AGBL1: variants seen among roughly 807,000 people sequenced by gnomAD.
AGBL1 encodes the protein cytosolic carboxypeptidase 4.
AGBL1 carries 130 observed loss-of-function variants against 118.9 expected under a neutral mutation model. The ratio of observed to expected loss-of-function variants is 1.09; its 90% confidence interval spans 0.95 to 1.26. The LOEUF (loss-of-function observed/expected upper bound fraction) is 1.26. Among genes scored for constraint, AGBL1 ranks in the 50% most tolerant of loss-of-function variants. AGBL1 has a pLI of 0.00. For missense variants in AGBL1, 1,584 were observed against 1,298.1 expected (o/e 1.22, Z -3.38); for synonymous variants, 555 against 478.9 (o/e 1.16, Z -2.08).
intron 24 of AGBL1, among the ~76,000 whole-genome samples, chr15:86,993,813 T>C (rs889029277): frequency 6.6e-6 from 1 of 152,142 alleles, no homozygotes; most frequent in African/African-American, 2.4e-5. Flanking sequence ...ATGCTTTTTG[T>C]CATTTTATTA....
At chr15:86,140,620 G>A (rs1399697601) in intron 1 of AGBL1, among the ~76,000 whole-genome samples, 1 of 152,160 alleles carries the variant, frequency 6.6e-6, no homozygotes, top group African/African-American at 2.4e-5. Flanking sequence ...GCAATGTCAG[G>A]GCTGAGCCCA....
In AGBL1 at chr15:86,949,486, AG is replaced by A. The variant is rs1382679918; in HGVS notation, c.3222-38500del. ...TGAAAAAAATCAAAACTCCTAGAAT[AG>A]AGAGGATAACATAGATATTTCAGGC... On this transcript the variant is annotated intron_variant, in intron 23 of 24. Coordinates refer to the AGBL1 transcript ENST00000441037. 1.3e-4 allele frequency among the ~76,000 whole-genome samples: 20 copies of A among 152,278 alleles called. No homozygotes were observed. The East Asian group carries it at 3.3e-3, about 25-fold the overall frequency.
intron 18 of AGBL1, among the ~76,000 whole-genome samples, chr15:86,443,091 T>C (rs949339111): frequency 3.9e-5 from 6 of 152,172 alleles, no homozygotes; most frequent in African/African-American, 1.4e-4. Context: ...TTCTCTTCTG[T>C]TGTTGCCCTC....
chr15:86,509,309 A>G (rs1011898867), intron 18 of AGBL1, among the ~76,000 whole-genome samples: 2 of 152,270 alleles, frequency 1.3e-5, no homozygotes, highest in East Asian at 3.9e-4. Context: ...TTGGGTCTGC[A>G]GACATGGCTC....
intron 18 of AGBL1, among the ~76,000 whole-genome samples, chr15:86,514,129 C>CACAGAA (rs1227980467): frequency 3.4e-5 from 2 of 58,250 alleles, no homozygotes; most frequent in Non-Finnish European, 8.3e-5. Context: ...TATGAATACA[C>CACAGAA]ACACAAACAC....
rs573157630 is a variant in AGBL1 at position 86,493,267 on chromosome 15, C to A, written c.2556-29543C>A. On this transcript the variant is annotated intron_variant, in intron 18 of 22. Coordinates refer to ENST00000614907, the MANE Select transcript of AGBL1 (RefSeq NM_001386094.1). ...AGGTAAAGAGAGACAACACGGTGAT[C>A]ACGTGTTTTAGAAAGAGATGGATAT... is the stretch of plus-strand genomic sequence containing the variant. Among the ~76,000 whole-genome samples the A allele has an allele frequency of 3.3e-5, 5 of 152,092 alleles. No individual in the cohort carries two copies. The South Asian group carries it at 1.0e-3, about 32-fold the overall frequency.
chr15:86,583,163 A>T (rs77715943), intron 21 of AGBL1, among the ~76,000 whole-genome samples: 32,118 of 151,770 alleles, frequency 0.21, 3,496 homozygotes, highest in East Asian at 0.28. Context: ...AAAAAAAAAA[A>T]TTCAACTTTT....
At chr15:86,486,804 C>T (rs1052892787) in intron 18 of AGBL1, among the ~76,000 whole-genome samples, 4 of 152,026 alleles carry the variant, frequency 2.6e-5, no homozygotes, top group African/African-American at 9.7e-5. Flanking sequence ...ACTTGGGTCT[C>T]AGCTGTGCCC....
At chr15:86,354,180 G>A (rs914386198) in intron 17 of AGBL1, among the ~76,000 whole-genome samples, 1 of 152,182 alleles carries the variant, frequency 6.6e-6, no homozygotes, top group African/African-American at 2.4e-5. Flanking sequence ...CCCTGAGGGG[G>A]CATCTGCATA....
intron 22 of AGBL1, among the ~76,000 whole-genome samples, chr15:86,774,770 A>G (rs1168274925): frequency 1.3e-5 from 2 of 152,110 alleles, no homozygotes; most frequent in East Asian, 1.9e-4. Context: ...AGGAGACACA[A>G]GCAGGGCATA....
intron 17 of AGBL1, among the ~76,000 whole-genome samples, chr15:86,345,947 A>T (rs2080529755): frequency 6.7e-6 from 1 of 150,294 alleles, no homozygotes; most frequent in South Asian, 2.1e-4. Flanking sequence ...TTCTTTCATC[A>T]ATTCTCTCTT....
intron 5 of AGBL1, among the ~76,000 whole-genome samples, chr15:86,223,575 G>A (rs2078312099): frequency 6.6e-6 from 1 of 152,192 alleles, no homozygotes; most frequent in Admixed American, 6.5e-5. Context: ...GAAGCTGAAA[G>A]TTGATAAGAG....
intron 24 of AGBL1, among the ~76,000 whole-genome samples, chr15:86,991,401 C>T (rs140261979): frequency 5.8e-4 from 88 of 151,990 alleles, no homozygotes; most frequent in African/African-American, 2.0e-3. Flanking sequence ...AAGTGAAGTT[C>T]TCCAGGCCCC....
At chr15:86,857,436 C>T (rs769454302) in intron 22 of AGBL1, among the ~76,000 whole-genome samples, 1 of 152,264 alleles carries the variant, frequency 6.6e-6, no homozygotes, top group South Asian at 2.1e-4. Flanking sequence ...GCCATGTGGC[C>T]TTCTTTCATC....
At chr15:86,862,146 A>G (rs914377554) in intron 22 of AGBL1, among the ~76,000 whole-genome samples, 1 of 152,204 alleles carries the variant, frequency 6.6e-6, no homozygotes, top group Non-Finnish European at 1.5e-5. Flanking sequence ...GTTAAGTGAC[A>G]TGAAAAACAC....
intron 22 of AGBL1, among the ~76,000 whole-genome samples, chr15:86,752,182 A>T (rs890747083): frequency 6.6e-6 from 1 of 152,082 alleles, no homozygotes; most frequent in Non-Finnish European, 1.5e-5. Flanking sequence ...GCCAGGATGG[A>T]GACCAAAAGG....
intron 21 of AGBL1, among the ~76,000 whole-genome samples, chr15:86,637,765 A>G (rs2085121216): frequency 6.6e-6 from 1 of 152,180 alleles, no homozygotes; most frequent in African/African-American, 2.4e-5. Flanking sequence ...AACAGGGAGA[A>G]TGAAAGAGAA....
intron 16 of AGBL1, among the ~76,000 whole-genome samples, chr15:86,293,260 A>T (rs535621432): frequency 1.3e-5 from 2 of 152,264 alleles, no homozygotes; most frequent in East Asian, 3.9e-4. Context: ...TTTAAAAAAA[A>T]TTGTACAGCT....
chr15:86,552,195 T>A (rs150338995), intron 20 of AGBL1, among the ~76,000 whole-genome samples: 33 of 152,266 alleles, frequency 2.2e-4, no homozygotes, highest in African/African-American at 2.9e-4. Context: ...ACCACTCTGG[T>A]GAGGGATGTC....
Sources: gnomAD v4.1 joint callset for allele counts (sites outside exome capture counted in the v4.1 genomes callset) on GRCh38, gnomAD v4.1.1 for gene constraint, MANE v1.5 for transcripts, NCBI Gene and HGNC (gene_info 2026-07-23, HGNC 2026-07-21) for gene names.